NWD2: variants seen among roughly 807,000 people sequenced by gnomAD.
NWD2 encodes the protein NACHT and WD repeat domain-containing protein 2.
A neutral mutation model predicts 132.7 loss-of-function variants in NWD2; 37 were observed. The observed-to-expected ratio is 0.28, with a 90% CI of 0.21 to 0.37. The LOEUF is 0.37. Among genes scored for constraint, NWD2 ranks in the 10% least tolerant of loss-of-function variants. NWD2 has a pLI of 1.00. For synonymous variants in NWD2, 705 were observed against 803.0 expected, an observed-to-expected ratio of 0.88 and a Z score of 2.06; for missense variants, 1,592 against 2,122.4, an observed-to-expected ratio of 0.75 and a Z score of 4.91.
At chr4:37,368,375 G>T (rs1720142212) in intron 3 of NWD2, among the ~76,000 whole-genome samples, 1 of 152,116 alleles carries the variant, frequency 6.6e-6, no homozygotes, top group Non-Finnish European at 1.5e-5. Flanking sequence ...CTAGGAATGT[G>T]TATTTTCCAT....
intron 5 of NWD2, 47 bp downstream of exon 5, chr4:37,434,067 G>T (rs1480566759): frequency 1.5e-6 from 2 of 1,312,232 alleles, no homozygotes; most frequent in African/African-American, 1.5e-5. Flanking sequence ...ATCATTAATA[G>T]GTACATCTAC....
intron 5 of NWD2, among the ~76,000 whole-genome samples, chr4:37,437,001 GAAA>G (rs1003846242): frequency 6.6e-6 from 1 of 152,014 alleles, no homozygotes; most frequent in African/African-American, 2.4e-5. Flanking sequence ...CATTTAGGTT[GAAA>G]ATTTCCATTG....
intron 2 of NWD2, among the ~76,000 whole-genome samples, chr4:37,349,046 T>C (rs1357373042): frequency 6.6e-6 from 1 of 152,086 alleles, no homozygotes; most frequent in Non-Finnish European, 1.5e-5. Flanking sequence ...TATTCCATGG[T>C]ATATATGTGC....
rs184977314 is a variant in NWD2 at position 37,273,490 on chromosome 4, T to C, written c.151+28272T>C. 2.3e-3 allele frequency among the ~76,000 whole-genome samples: 357 copies of C among 152,242 alleles called. 3 individuals carry two copies. The highest frequency in any genetic ancestry group is 2.3e-3 in the Non-Finnish European group (155 of 67,996). ...CCCACACAATAATAATGGGAGACTT[T>C]AACACCCCACTGTTAACATTAGACA... On this transcript the variant is annotated intron_variant, in intron 1 of 6. Coordinates refer to ENST00000309447, the MANE Select transcript of NWD2 (RefSeq NM_001144990.2).
chr4:37,343,211 C>T (rs1719564947), intron 2 of NWD2, among the ~76,000 whole-genome samples: 1 of 152,168 alleles, frequency 6.6e-6, no homozygotes, highest in South Asian at 2.1e-4. Flanking sequence ...GTGAGATAAG[C>T]ATTCTAGAAA....
intron 2 of NWD2, among the ~76,000 whole-genome samples, chr4:37,329,209 T>C (rs1194958155): frequency 1.3e-5 from 2 of 152,168 alleles, no homozygotes; most frequent in Admixed American, 6.6e-5. Flanking sequence ...GAAGTATTTG[T>C]TGAGTGCTGA....
At position 37,447,274 on chromosome 4, in the gene NWD2, T is replaced by A; in HGVS notation, c.*57T>A. On this transcript the variant is annotated 3_prime_UTR_variant, in exon 7 of 7. Transcript: ENST00000309447. ...GATCCACGTACAGAAGGGAAAAAAA[T>A]GTGCCCCAAATGATAAACTATTCAT... The A allele has an allele frequency of 1.5e-6, 2 of 1,293,772 alleles. No homozygotes were observed. 80.1% of individuals were successfully genotyped at this position (1,293,772 alleles called of 1,614,324 possible).
chr4:37,368,116 G>C (rs28556572), intron 3 of NWD2, among the ~76,000 whole-genome samples: 7,205 of 152,158 alleles, frequency 0.047, 274 homozygotes, highest in East Asian at 0.12. Flanking sequence ...ACTTCTCTCT[G>C]GTAGGGAAGG....
chr4:37,360,523 CT>C (rs1560403929), intron 3 of NWD2, among the ~76,000 whole-genome samples: 1 of 152,120 alleles, frequency 6.6e-6, no homozygotes, highest in African/African-American at 2.4e-5. Context: ...TGACTAAAAG[CT>C]TTACCTATCC....
intron 6 of NWD2, among the ~76,000 whole-genome samples, chr4:37,440,936 T>C (rs1285073513): frequency 6.6e-6 from 1 of 152,242 alleles, no homozygotes; most frequent in Non-Finnish European, 1.5e-5. Flanking sequence ...CAGGACTTTC[T>C]TTAAGTTCAC....
At chr4:37,325,573 T>C (rs961705386) in intron 1 of NWD2, among the ~76,000 whole-genome samples, 1 of 152,174 alleles carries the variant, frequency 6.6e-6, no homozygotes, top group African/African-American at 2.4e-5. Context: ...TTTGTGGAGC[T>C]AAAACCCTGA....
intron 1 of NWD2, among the ~76,000 whole-genome samples, chr4:37,265,111 G>A (rs577835000): frequency 4.3e-4 from 66 of 152,112 alleles, no homozygotes; most frequent in African/African-American, 1.4e-3. Flanking sequence ...CCCAAAAAGC[G>A]CGGGAGGTGA....
chr4:37,360,574 G>A (rs1213479657), intron 3 of NWD2, among the ~76,000 whole-genome samples: 1 of 152,204 alleles, frequency 6.6e-6, no homozygotes, highest in Non-Finnish European at 1.5e-5. Flanking sequence ...CTAGCAGGGA[G>A]ACAAATCACA....
chr4:37,428,924 G>A (rs932817060), intron 3 of NWD2, among the ~76,000 whole-genome samples: 1 of 152,108 alleles, frequency 6.6e-6, no homozygotes, highest in South Asian at 2.1e-4. Context: ...TAGAGACAGG[G>A]TTTAACCATG....
At chr4:37,266,766 A>G (rs561306464) in intron 1 of NWD2, among the ~76,000 whole-genome samples, 3 of 152,122 alleles carry the variant, frequency 2.0e-5, no homozygotes, top group South Asian at 2.1e-4. Flanking sequence ...TCTTGCTGAC[A>G]TACTGAGTTC....
intron 3 of NWD2, among the ~76,000 whole-genome samples, chr4:37,370,308 G>A (rs1022122782): frequency 1.3e-5 from 2 of 152,110 alleles, no homozygotes; most frequent in East Asian, 3.9e-4. Flanking sequence ...TTAGTAATGA[G>A]TATTTAAGGA....
intron 3 of NWD2, among the ~76,000 whole-genome samples, chr4:37,398,813 T>G (rs1331447468): frequency 6.6e-6 from 1 of 152,220 alleles, no homozygotes; most frequent in Non-Finnish European, 1.5e-5. Flanking sequence ...GTTTTTAGTT[T>G]TGCCTTTGCT....
At chr4:37,437,799 G>A (rs965549068) in intron 5 of NWD2, among the ~76,000 whole-genome samples, 2 of 152,042 alleles carry the variant, frequency 1.3e-5, no homozygotes, top group Admixed American at 6.5e-5. Context: ...TAATATATAT[G>A]TACTTGTGTG....
At position 37,273,798 on chromosome 4, in the gene NWD2, A is replaced by G. The variant is rs185872668; in HGVS notation, c.151+28580A>G. Among the ~76,000 whole-genome samples the G allele has an allele frequency of 1.2e-3, 177 of 152,290 alleles. 1 individual carries two copies. The highest frequency in any genetic ancestry group is 3.8e-3 in the African/African-American group (160 of 41,574). On this transcript the variant is annotated intron_variant, in intron 1 of 6. Transcript: ENST00000309447. ...AACTCACTCAAAACAGCTCAACTAC[A>G]TGGAAACTGAACAACCTGCTCCTGA...
Sources: gnomAD v4.1 joint callset for allele counts (sites outside exome capture counted in the v4.1 genomes callset) on GRCh38, gnomAD v4.1.1 for gene constraint, MANE v1.5 for transcripts, NCBI Gene and HGNC (gene_info 2026-07-23, HGNC 2026-07-21) for gene names.